Variants in ZNF827 observed in about 807,000 individuals in gnomAD.
The protein encoded by ZNF827 is zinc finger protein 827.
A neutral mutation model predicts 102.4 loss-of-function variants in ZNF827; 13 were observed. That is an observed-to-expected ratio of 0.13 (90% CI 0.08 to 0.20). The LOEUF (loss-of-function observed/expected upper bound fraction) is 0.20. ZNF827 is among the 10% of genes least tolerant of loss of function. The pLI is 1.00. For missense variants in ZNF827, 1,103 were observed against 1,344.4 expected, an observed-to-expected ratio of 0.82 and a Z score of 2.81; for synonymous variants, 523 against 536.2, an observed-to-expected ratio of 0.98 and a Z score of 0.34.
intron 1 of ZNF827, among the ~76,000 whole-genome samples, chr4:145,928,002 G>A (rs1419000297): frequency 6.6e-6 from 1 of 152,188 alleles, no homozygotes; most frequent in East Asian, 1.9e-4. Context: ...TAAGGGAGAA[G>A]ACTGCAGTCT....
At chr4:145,909,388 T>C (rs1228428174) in intron 1 of ZNF827, among the ~76,000 whole-genome samples, 1 of 152,216 alleles carries the variant, frequency 6.6e-6, no homozygotes, top group Non-Finnish European at 1.5e-5. Flanking sequence ...TCAGATAGGA[T>C]GTCGAAAGCA....
At chr4:145,808,043 CA>C (rs1741650209) in intron 8 of ZNF827, among the ~76,000 whole-genome samples, 1 of 147,904 alleles carries the variant, frequency 6.8e-6, no homozygotes, top group Non-Finnish European at 1.5e-5. Flanking sequence ...AAAGCATTTG[CA>C]AGAGTACACA....
At chr4:145,781,228 G>GAAAAAAAAAAAAAAAAAAAA (rs60872964) in intron 8 of ZNF827, among the ~76,000 whole-genome samples, 1 of 99,684 alleles carries the variant, frequency 1.0e-5, no homozygotes, top group African/African-American at 3.7e-5. Flanking sequence ...GAAAAAAAAA[G>GAAAAAAAAAAAAAAAAAAAA]AAAAAAAAAA....
intron 7 of ZNF827, among the ~76,000 whole-genome samples, chr4:145,842,298 T>G (rs879288956): frequency 6.6e-6 from 1 of 152,182 alleles, no homozygotes; most frequent in Non-Finnish European, 1.5e-5. Context: ...GAGCTGCCAC[T>G]GGACAGGTGT....
At chr4:145,935,551 T>C (rs1192929648) in intron 1 of ZNF827, among the ~76,000 whole-genome samples, 1 of 152,154 alleles carries the variant, frequency 6.6e-6, no homozygotes, top group Non-Finnish European at 1.5e-5. Context: ...TGGAAAAGCT[T>C]AGAAAATTAA....
intron 4 of ZNF827, among the ~76,000 whole-genome samples, chr4:145,882,879 G>A (rs1050439924): frequency 2.0e-5 from 3 of 152,106 alleles, no homozygotes; most frequent in Admixed American, 2.0e-4. Flanking sequence ...CAAGGGACAA[G>A]GCCCGAGACT....
At chr4:145,931,842 G>A (rs995480135) in intron 1 of ZNF827, among the ~76,000 whole-genome samples, 3 of 152,182 alleles carry the variant, frequency 2.0e-5, no homozygotes, top group African/African-American at 7.2e-5. Flanking sequence ...ATAGAAACAG[G>A]TATAGCAATG....
chr4:145,856,824 T>C (rs1379540062), intron 5 of ZNF827, among the ~76,000 whole-genome samples: 1 of 152,162 alleles, frequency 6.6e-6, no homozygotes, highest in East Asian at 1.9e-4. Flanking sequence ...AAATTAATTC[T>C]TTAATTAATT....
At position 145,938,411 on chromosome 4, in the gene ZNF827, C is replaced by T; in HGVS notation, c.-4G>A. ...GCTCCTGCTTCCTCCTGGGCATTTTCCCCCTTTTCTCACATTCTCCTCCTT... is the reference window on the plus strand; with the variant it reads ...GCTCCTGCTTCCTCCTGGGCATTTTTCCCCTTTTCTCACATTCTCCTCCTT... On this transcript the variant is annotated 5_prime_UTR_variant, in exon 1 of 15. Coordinates refer to ENST00000508784, the MANE Select transcript of ZNF827 (RefSeq NM_001306215.2). 1 of 1,612,032 alleles carries T rather than the reference C, an allele frequency of 6.2e-7. No individual in the cohort carries two copies. The highest frequency in any genetic ancestry group is 8.5e-7 in the Non-Finnish European group (1 of 1,179,682).
At chr4:145,910,450 C>T (rs1752201993) in intron 1 of ZNF827, among the ~76,000 whole-genome samples, 1 of 152,170 alleles carries the variant, frequency 6.6e-6, no homozygotes, top group African/African-American at 2.4e-5. Context: ...CTTGACTCTT[C>T]TCTTTCTCTC....
intron 13 of ZNF827, chr4:145,764,673 T>C: frequency 2.9e-6 from 1 of 344,026 alleles, no homozygotes. Context: ...CTGAGTCCAT[T>C]AAAATCAAGT....
chr4:145,870,981 C>T (rs1009411152), intron 4 of ZNF827, among the ~76,000 whole-genome samples: 1 of 152,172 alleles, frequency 6.6e-6, no homozygotes, highest in Non-Finnish European at 1.5e-5. Flanking sequence ...ATAGACCACT[C>T]TTGCCTCATT....
At chr4:145,916,206 G>A (rs550893730) in intron 1 of ZNF827, among the ~76,000 whole-genome samples, 4 of 152,306 alleles carry the variant, frequency 2.6e-5, no homozygotes, top group African/African-American at 9.6e-5. Context: ...CATCAGCTCT[G>A]CCCCTCAGAA....
At chr4:145,871,947 G>T (rs4552481) in intron 4 of ZNF827, among the ~76,000 whole-genome samples, 1 of 151,916 alleles carries the variant, frequency 6.6e-6, no homozygotes, top group Middle Eastern at 3.2e-3. Context: ...TGCCTCCACC[G>T]CACCACCTCC....
At chr4:145,847,133 G>A (rs1012531584) in intron 6 of ZNF827, among the ~76,000 whole-genome samples, 4 of 151,454 alleles carry the variant, frequency 2.6e-5, no homozygotes, top group East Asian at 1.9e-4. Flanking sequence ...CAGCCTGGGC[G>A]ACAGAGTGTA....
chr4:145,789,294 C>A (rs1362175726), intron 8 of ZNF827, among the ~76,000 whole-genome samples: 1 of 152,090 alleles, frequency 6.6e-6, no homozygotes, highest in East Asian at 1.9e-4. Flanking sequence ...TTAAGCTGAA[C>A]ATGATTCCAA....
intron 1 of ZNF827, among the ~76,000 whole-genome samples, chr4:145,937,534 C>T (rs1242072030): frequency 6.8e-6 from 1 of 147,714 alleles, no homozygotes; most frequent in South Asian, 2.1e-4. Flanking sequence ...ATCCGCCCGC[C>T]GCTGCCCGGC....
At chr4:145,807,578 T>A (rs1184002777) in intron 8 of ZNF827, among the ~76,000 whole-genome samples, 1 of 151,440 alleles carries the variant, frequency 6.6e-6, no homozygotes, top group African/African-American at 2.4e-5. Flanking sequence ...GTTCAAGCAG[T>A]TCTCTGCCTC....
At position 145,892,348 on chromosome 4, in the gene ZNF827, A is replaced by G; in HGVS notation, c.1161T>C (p.Ser387=). The part of the protein sequence containing the change: ...PICGLVIKRK[S]YWKRHMVIHT... ...GAATCACCATGTGCCGCTTCCAGTA[A>G]CTCTTCCTTTTAATAACCAAACCAC... The change falls in exon 3 of 15, where the codon AGT becomes AGC. Residue 387 remains serine (S), a synonymous_variant. Transcript: ENST00000508784. 1.2e-6 allele frequency: 2 copies of G among 1,614,062 alleles called. No homozygotes were observed. Among genetic ancestry groups the G allele is most frequent in the Admixed American group, 1.7e-5 (1 of 60,018 alleles).
Sources: gnomAD v4.1 joint callset for allele counts (sites outside exome capture counted in the v4.1 genomes callset) on GRCh38, gnomAD v4.1.1 for gene constraint, MANE v1.5 for transcripts, NCBI Gene and HGNC (gene_info 2026-07-23, HGNC 2026-07-21) for gene names.